The following RGL1 variants were observed in gnomAD, a reference collection of about 807,000 sequenced individuals.
RGL1 encodes ral guanine nucleotide dissociation stimulator-like 1.
In RGL1, 24 loss-of-function variants were observed where a neutral mutation model predicts 95.2. That is an observed-to-expected ratio of 0.25 (90% confidence interval 0.18 to 0.35). RGL1 has a LOEUF of 0.35. Among genes scored for constraint, RGL1 ranks in the 10% least tolerant of loss-of-function variants. The pLI is 1.00. For missense variants in RGL1, 715 were observed against 936.3 expected, an observed-to-expected ratio of 0.76 and a Z score of 3.08; for synonymous variants, 329 against 344.9, an observed-to-expected ratio of 0.95 and a Z score of 0.51.
At chr1:183,755,889 T>A (rs1368790955) in intron 2 of RGL1, among the ~76,000 whole-genome samples, 1 of 151,658 alleles carries the variant, frequency 6.6e-6, no homozygotes, top group African/African-American at 2.4e-5. Flanking sequence ...CATTCTTTTT[T>A]TTTTTTTTTT....
chr1:183,814,804 T>C (rs148407588), intron 2 of RGL1, among the ~76,000 whole-genome samples: 1,601 of 152,336 alleles, frequency 0.011, 26 homozygotes, highest in African/African-American at 0.037. Context: ...TCCATAGTTA[T>C]GTGCCATTCT....
At chr1:183,752,697 T>G (rs1471316589) in intron 2 of RGL1, among the ~76,000 whole-genome samples, 1 of 149,022 alleles carries the variant, frequency 6.7e-6, no homozygotes, top group African/African-American at 2.5e-5. Flanking sequence ...TCTCTCTCTC[T>G]CTCTCTCTTT....
In RGL1 at chr1:183,878,372, AT is replaced by A. The variant is rs568215989; in HGVS notation, c.426-2238del. 3.9e-3 allele frequency among the ~76,000 whole-genome samples: 592 copies of A among 151,972 alleles called. 3 individuals carry two copies. Among genetic ancestry groups the A allele is most frequent in the African/African-American group, 0.014 (568 of 41,436 alleles). On this transcript the variant is annotated intron_variant, in intron 4 of 17. Coordinates refer to ENST00000360851, the MANE Select transcript of RGL1 (RefSeq NM_001297671.3). ...CCACCACACCTGGCTAATTTTCTGT[AT>A]TTTTTGTAGAGATGGGGTTTCGCCA...
chr1:183,778,589 T>A (rs753133770), intron 2 of RGL1, among the ~76,000 whole-genome samples: 3 of 152,142 alleles, frequency 2.0e-5, no homozygotes, highest in Non-Finnish European at 4.4e-5. Flanking sequence ...GTGGGGAGGC[T>A]TGATAGCCCA....
chr1:183,682,134 A>AT (rs1425325607), intron 1 of RGL1, among the ~76,000 whole-genome samples: 2 of 151,940 alleles, frequency 1.3e-5, no homozygotes, highest in African/African-American at 2.4e-5. Flanking sequence ...GGATTCATTG[A>AT]TTTTTTTGAA....
intron 2 of RGL1, among the ~76,000 whole-genome samples, chr1:183,775,191 T>G (rs1490403052): frequency 2.0e-5 from 3 of 152,224 alleles, no homozygotes. Context: ...TTCTGTGCTG[T>G]GAGCAACAGA....
intron 16 of RGL1, 73 bp downstream of exon 16, chr1:183,916,774 C>T: frequency 6.6e-7 from 1 of 1,516,360 alleles, no homozygotes. Flanking sequence ...GCCGCTCAGA[C>T]TAATAGCCCT....
At chr1:183,648,528 C>G in intron 1 of RGL1, 3 of 1,614,168 alleles carry the variant, frequency 1.9e-6, no homozygotes, top group Non-Finnish European at 2.5e-6. Flanking sequence ...AGTGCAACTG[C>G]TAGCATGGCC....
At chr1:183,828,481 G>A (rs1159771836) in intron 2 of RGL1, among the ~76,000 whole-genome samples, 2 of 152,158 alleles carry the variant, frequency 1.3e-5, no homozygotes. Context: ...GAGCAAATGG[G>A]GGGCCTGACC....
At chr1:183,870,395 G>A (rs1291274290) in intron 4 of RGL1, among the ~76,000 whole-genome samples, 4 of 115,370 alleles carry the variant, frequency 3.5e-5, no homozygotes, top group African/African-American at 1.3e-4. Context: ...CTTCCGGCCA[G>A]GGTAGTTGTC....
At chr1:183,778,037 C>T (rs1274650821) in intron 2 of RGL1, among the ~76,000 whole-genome samples, 1 of 152,138 alleles carries the variant, frequency 6.6e-6, no homozygotes, top group East Asian at 1.9e-4. Context: ...CTCGGGGTAG[C>T]ATTTTTCTTT....
intron 15 of RGL1, among the ~76,000 whole-genome samples, chr1:183,912,704 G>T (rs1341470642): frequency 6.6e-6 from 1 of 152,168 alleles, no homozygotes; most frequent in Non-Finnish European, 1.5e-5. Flanking sequence ...GTATCTGCTG[G>T]TTGGCTGATC....
intron 2 of RGL1, among the ~76,000 whole-genome samples, chr1:183,837,475 G>T (rs566192690): frequency 6.6e-6 from 1 of 152,280 alleles, no homozygotes; most frequent in Admixed American, 6.5e-5. Flanking sequence ...GTTCACTCTG[G>T]ATACTAATTT....
chr1:183,924,520 T>C (rs1669500066), intron 17 of RGL1, among the ~76,000 whole-genome samples: 1 of 152,072 alleles, frequency 6.6e-6, no homozygotes, highest in Admixed American at 6.6e-5. Context: ...AAATACCTAA[T>C]GTAGATGGCG....
chr1:183,794,511 T>C (rs1660598961), intron 2 of RGL1, among the ~76,000 whole-genome samples: 1 of 152,266 alleles, frequency 6.6e-6, no homozygotes, highest in South Asian at 2.1e-4. Flanking sequence ...TCACTGCACA[T>C]TGTATGCATT....
At chr1:183,842,137 T>G (rs1664098111) in intron 2 of RGL1, among the ~76,000 whole-genome samples, 1 of 152,092 alleles carries the variant, frequency 6.6e-6, no homozygotes, top group Non-Finnish European at 1.5e-5. Context: ...TTTTAGATTT[T>G]TGGAGGGAGT....
At chr1:183,788,894 T>A (rs1660309041) in intron 2 of RGL1, among the ~76,000 whole-genome samples, 1 of 152,204 alleles carries the variant, frequency 6.6e-6, no homozygotes, top group Non-Finnish European at 1.5e-5. Context: ...AATTCTGTCT[T>A]CTCTGCCTAG....
chr1:183,729,177 AATAT>A (rs920522817), intron 1 of RGL1, among the ~76,000 whole-genome samples: 2 of 122,348 alleles, frequency 1.6e-5, no homozygotes, highest in Non-Finnish European at 3.7e-5. Context: ...AGACAGATAA[AATAT>A]ATATGTGTGT....
chr1:183,910,565 T>A (rs936996551), intron 14 of RGL1, among the ~76,000 whole-genome samples: 4 of 152,214 alleles, frequency 2.6e-5, no homozygotes, highest in Non-Finnish European at 4.4e-5. Context: ...TTCCATCCTC[T>A]CCATGTCTTC....
Sources: allele counts gnomAD v4.1 joint callset (sites outside exome capture counted in the v4.1 genomes callset), GRCh38; gene constraint gnomAD v4.1.1; transcripts MANE v1.5; gene names NCBI Gene and HGNC (gene_info 2026-07-23, HGNC 2026-07-21).